The following PUM2 variants were observed in gnomAD, a reference collection of about 807,000 sequenced individuals.
The protein encoded by PUM2 is pumilio homolog 2.
A neutral mutation model predicts 124.5 loss-of-function variants in PUM2; 57 were observed. That is an observed-to-expected ratio of 0.46 (90% CI 0.37 to 0.57). The LOEUF (loss-of-function observed/expected upper bound fraction) is 0.57. Ranked by LOEUF, PUM2 falls within the 20% of genes least tolerant of loss-of-function variation. The pLI is 0.00. For synonymous variants in PUM2, 460 were observed against 446.1 expected (o/e 1.03, Z -0.39); for missense variants, 1,065 against 1,290.6 (o/e 0.83, Z 2.68).
chr2:20,312,349 C>T lies in PUM2; in HGVS notation c.235G>A (p.Ala79Thr), dbSNP rs767176905. The T allele has an allele frequency of 5.6e-6, 9 of 1,613,412 alleles. No homozygotes were observed. Among genetic ancestry groups the T allele is most frequent in the African/African-American group, 1.3e-5 (1 of 75,018 alleles). ...CTTTCTGATCGCGGAGACAGTATTG[C>T]ATTTACTTCACTGTTTCCATGAAAA... Reference protein sequence around the residue: ...QGFHGNSEVNAILSPRSESGG... With the variant: ...QGFHGNSEVNTILSPRSESGG... The change falls in exon 4 of 21, where the codon GCA becomes ACA. Residue 79 changes from alanine to threonine, a missense_variant. Physicochemically the swap from Ala to Thr is moderately conservative, Grantham distance 58. Around this residue, in one of 3 missense-constraint regions of PUM2, gnomAD observed 90 missense variants for 103.6 expected, o/e 0.87. Coordinates refer to ENST00000361078, the MANE Select transcript of PUM2 (RefSeq NM_015317.5).
In PUM2 at chr2:20,283,387, A is replaced by G; in HGVS notation, c.1391T>C (p.Met464Thr). 1.2e-6 allele frequency: 2 copies of G among 1,614,114 alleles called. No individual in the cohort carries two copies. Among genetic ancestry groups the G allele is most frequent in the South Asian group, 1.1e-5 (1 of 91,090 alleles). Residue 464 changes from methionine (M) to threonine (T), a missense_variant, in exon 11 of 21, where the codon ATG (methionine) becomes ACG (threonine). Coordinates refer to ENST00000361078, the MANE Select transcript of PUM2 (RefSeq NM_015317.5). ...ACTAATTAAAACAGGTGTTGGAGCCATTAACCGAACTGGAGCTCCAAGGCC... is the reference window on the plus strand; with the variant it reads ...ACTAATTAAAACAGGTGTTGGAGCCGTTAACCGAACTGGAGCTCCAAGGCC... ...RTGLGAPVRL[M>T]APTPVLISSA...
chr2:20,327,660 T>G (rs1346041103), intron 1 of PUM2, among the ~76,000 whole-genome samples: 1 of 152,238 alleles, frequency 6.6e-6, no homozygotes, highest in African/African-American at 2.4e-5. Flanking sequence ...GAACAGTCTA[T>G]ACTTTAAAGA....
Position 20,255,977 on chromosome 2 carries a change from T to A in PUM2, c.2622+56A>T, listed in dbSNP as rs182848593. 182 of 1,452,878 alleles carry A rather than the reference T, an allele frequency of 1.3e-4. 2 individuals are homozygous for A. The African/African-American group carries it at 2.2e-3, about 18-fold the overall frequency. 90.0% of individuals were successfully genotyped at this position (1,452,878 alleles called of 1,614,324 possible). A position where few individuals can be genotyped will look rare whatever the true frequency, so the allele number is the denominator to read the frequency against. On this transcript the variant is annotated intron_variant, in intron 17 of 20. Coordinates refer to ENST00000361078, the MANE Select transcript of PUM2 (RefSeq NM_015317.5). ...TGACTCATGAAAAACGTGTTGATAT[T>A]CAAAATTCTAAAATAATGCCCTGCT...
rs147427942 is a variant in PUM2, at chr2:20,325,521, TAGAA to T, written c.51+1785_51+1788del. Among the ~76,000 whole-genome samples, 852 of 152,216 alleles carry T rather than the reference TAGAA, an allele frequency of 5.6e-3. 2 individuals carry two copies. Among genetic ancestry groups the T allele is most frequent in the African/African-American group, 0.019 (801 of 41,544 alleles). On this transcript the variant is annotated intron_variant, in intron 2 of 20. Transcript: ENST00000361078. ...AACTTTAAAATTATTAAATATTATT[TAGAA>T]AGAGTGAAAAAACACCAGTTTGAAA...
upstream of PUM2, chr2:20,350,848 C>T (rs1301060337): frequency 1.4e-5 from 13 of 962,714 alleles, no homozygotes; most frequent in Middle Eastern, 5.3e-4. Flanking sequence ...CTCCCCTCCC[C>T]CCCGCCCACC....
At position 20,251,630 on chromosome 2, in the gene PUM2, G is replaced by T. The variant is rs779965127; in HGVS notation, c.3150C>A (p.Ser1050Arg). 17 of 1,613,704 alleles carry T rather than the reference G, an allele frequency of 1.1e-5. No individual in the cohort carries two copies. Among genetic ancestry groups the T allele is most frequent in the Non-Finnish European group, 8.5e-7 (1 of 1,179,828 alleles). Residue 1050 changes from serine to arginine, a missense_variant, in exon 21 of 21, where the codon AGC becomes AGA. By Grantham distance (110) the Ser-to-Arg change is moderately radical. Around this residue, in one of 3 missense-constraint regions of PUM2, gnomAD observed 968 missense variants for 1,159.8 expected, o/e 0.83. Coordinates refer to ENST00000361078, the MANE Select transcript of PUM2 (RefSeq NM_015317.5). The stretch of plus-strand genomic sequence containing the variant: ...GTCCTCCAATAGGTCCTAGGTCCGG[G>T]CTATTCTTCAAATAATACTTTTCCA... ...AKLEKYYLKN[S>R]PDLGPIGGPP...
At chr2:20,293,800 G>A (rs560654279) in intron 9 of PUM2, among the ~76,000 whole-genome samples, 2 of 151,952 alleles carry the variant, frequency 1.3e-5, no homozygotes, top group South Asian at 2.1e-4. Flanking sequence ...GTGCTTCTTC[G>A]GTATAAATAC....
chr2:20,291,018 G>A (rs1212139483), intron 9 of PUM2, among the ~76,000 whole-genome samples: 1 of 152,082 alleles, frequency 6.6e-6, no homozygotes, highest in Non-Finnish European at 1.5e-5. Context: ...GGAGGTTACA[G>A]AAAATCTTTG....
chr2:20,299,468 C>T (rs1029108148), intron 7 of PUM2, among the ~76,000 whole-genome samples: 2 of 151,976 alleles, frequency 1.3e-5, no homozygotes. Flanking sequence ...AGTTCAAGAC[C>T]GGCCTGGTCT....
chr2:20,319,727 G>A (rs1459045806), intron 2 of PUM2, among the ~76,000 whole-genome samples: 1 of 152,058 alleles, frequency 6.6e-6, no homozygotes, highest in Non-Finnish European at 1.5e-5. Context: ...TGAAACATGT[G>A]GGAAGGTCAA....
At position 20,312,142 on chromosome 2, in the gene PUM2, G is replaced by A. The variant is rs1165930218; in HGVS notation, c.348+94C>T. 9 of 1,178,488 alleles carry A rather than the reference G, an allele frequency of 7.6e-6. No individual in the cohort carries two copies. The Admixed American group carries it at 8.2e-5, about 11-fold the overall frequency. 73.0% of individuals were successfully genotyped at this position (1,178,488 alleles called of 1,614,324 possible). The stretch of plus-strand genomic sequence containing the variant: ...ACAAAATTTCTCTTAGCTATAGGAA[G>A]GGCACAGAAAAACAAATTGAATTAA... On this transcript the variant is annotated intron_variant, in intron 4 of 20. Transcript: ENST00000361078.
At position 20,322,245 on chromosome 2, in the gene PUM2, A is replaced by C. The variant is rs78549293; in HGVS notation, c.52-3600T>G. 2.1e-3 allele frequency among the ~76,000 whole-genome samples: 322 copies of C among 152,228 alleles called. 1 individual carries two copies. The highest frequency in any genetic ancestry group is 2.4e-3 in the Non-Finnish European group (163 of 68,016). Reference sequence around the variant, plus strand: ...CTGTCCTGGGCAAATCAGAATGTAAAGTCACTCTACTTATAATGGAAGTTC... The same window carrying C: ...CTGTCCTGGGCAAATCAGAATGTAACGTCACTCTACTTATAATGGAAGTTC... On this transcript the variant is annotated intron_variant, in intron 2 of 20. Coordinates refer to ENST00000361078, the MANE Select transcript of PUM2 (RefSeq NM_015317.5).
intron 1 of PUM2, among the ~76,000 whole-genome samples, chr2:20,336,177 G>A (rs957963788): frequency 6.8e-6 from 1 of 147,936 alleles, no homozygotes; most frequent in African/African-American, 2.4e-5. Flanking sequence ...CACAAAAAGC[G>A]TTTTTTTGTT....
Position 20,311,481 on chromosome 2 carries a change from G to A in PUM2, c.518+13C>T. ...AAGATACGCTTTTCTTCTTGAGAAA[G>A]TTAAAATCTTACTTAAAATCTTTGC... On this transcript the variant is annotated intron_variant, in intron 5 of 20. Transcript: ENST00000361078. 1 of 1,597,920 alleles carries A rather than the reference G, an allele frequency of 6.3e-7. No individual in the cohort carries two copies.
chr2:20,268,832 T>C (rs902445982), intron 13 of PUM2, among the ~76,000 whole-genome samples: 1 of 152,178 alleles, frequency 6.6e-6, no homozygotes, highest in Non-Finnish European at 1.5e-5. Context: ...TGTATGTCTA[T>C]TGCATGTAAA....
At chr2:20,338,978 G>T (rs1046867272) in intron 1 of PUM2, among the ~76,000 whole-genome samples, 3 of 152,026 alleles carry the variant, frequency 2.0e-5, no homozygotes, top group Non-Finnish European at 4.4e-5. Flanking sequence ...ATATATACAT[G>T]ATAAAATCAC....
intron 7 of PUM2, among the ~76,000 whole-genome samples, chr2:20,302,709 A>G (rs56171462): frequency 0.08 from 12,197 of 152,282 alleles, 526 homozygotes; most frequent in African/African-American, 0.09. Context: ...TGTGCTCCAA[A>G]AAGTTAAAGA....
chr2:20,326,489 G>A, intron 2 of PUM2: 1 of 1,035,620 alleles, frequency 9.7e-7, no homozygotes, highest in Non-Finnish European at 1.3e-6. Flanking sequence ...TCTTAGGTCT[G>A]TTCACTGTTA....
At position 20,294,428 on chromosome 2, in the gene PUM2, T is replaced by C. The variant is rs34032508; in HGVS notation, c.1100A>G (p.Asn367Ser). The stretch of plus-strand genomic sequence containing the variant: ...TGCTGCTTGCTGACTGGCTGTGTTA[T>C]TTGCCGCAGCTGCAGCTTGCTGCTG... ...LFQQQAAAAA[N>S]NTASQQAASQ... is the part of the protein sequence containing the mutation. The change falls in exon 9 of 21, where the codon AAT (asparagine) becomes AGT (serine). Residue 367 changes from asparagine to serine, a missense_variant. Asn to Ser is a conservative substitution (Grantham distance 46). This residue lies in a region of PUM2 where 968 missense variants were observed against 1,159.8 expected (regional missense o/e 0.83). Coordinates refer to ENST00000361078, the MANE Select transcript of PUM2 (RefSeq NM_015317.5). 5,994 of 1,614,170 alleles carry C rather than the reference T, an allele frequency of 3.7e-3. 47 individuals carry two copies. The highest frequency in any genetic ancestry group is 3.3e-3 in the Non-Finnish European group (3,882 of 1,180,036).
Sources: allele counts gnomAD v4.1 joint callset (sites outside exome capture counted in the v4.1 genomes callset), GRCh38; gene constraint gnomAD v4.1.1; regional missense constraint gnomAD v4.1.1; transcripts MANE v1.5; gene names NCBI Gene and HGNC (gene_info 2026-07-23, HGNC 2026-07-21).